The following PAK1 variants were observed in gnomAD, a reference collection of about 807,000 sequenced individuals.
PAK1 encodes p21 (RAC1) activated kinase 1, also known as serine/threonine-protein kinase PAK 1.
PAK1 carries 29 observed loss-of-function variants against 67.4 expected under a neutral mutation model. The observed-to-expected ratio is 0.43, with a 90% CI of 0.32 to 0.59. PAK1 has a LOEUF of 0.59. Ranked by LOEUF, PAK1 falls within the 20% of genes least tolerant of loss-of-function variation. The pLI is 0.07. For missense variants in PAK1, 337 were observed against 670.7 expected (o/e 0.50, Z 5.50); for synonymous variants, 223 against 237.4 (o/e 0.94, Z 0.56).
At chr11:77,420,641 AACC>A (rs1333417008) in intron 1 of PAK1, among the ~76,000 whole-genome samples, 1 of 152,248 alleles carries the variant, frequency 6.6e-6, no homozygotes, top group East Asian at 1.9e-4. Context: ...TCTACGGTCC[AACC>A]ACTTCTCATC....
At chr11:77,516,518 G>T in the PAK1 span, among the ~76,000 whole-genome samples, 4 of 152,188 alleles carry the variant, frequency 2.6e-5, no homozygotes, top group African/African-American at 9.7e-5. Context: ...GCAGTAATGT[G>T]TCAGGTATTA....
rs1406536118 is a variant in PAK1 at position 77,322,443 on chromosome 11, G to T, written c.*831C>A. The stretch of plus-strand genomic sequence containing the variant: ...GAGTTCCTGAAACATCACACAAGTA[G>T]AGCTGGACAGGTGCTGATGCCCAGC... On this transcript the variant is annotated 3_prime_UTR_variant, in exon 15 of 15. Coordinates refer to ENST00000356341, the MANE Select transcript of PAK1 (RefSeq NM_002576.5). 2.0e-5 allele frequency: 4 copies of T among 195,318 alleles called. No individual in the cohort carries two copies. The highest frequency in any genetic ancestry group is 9.3e-5 in the African/African-American group (4 of 43,174). 12.1% of individuals were successfully genotyped at this position (195,318 alleles called of 1,614,324 possible).
intron 9 of PAK1, 33 bp from the exon 10 acceptor site, chr11:77,343,964 T>C (rs769729225): frequency 2.5e-5 from 35 of 1,404,754 alleles, no homozygotes; most frequent in South Asian, 6.9e-5. Flanking sequence ...TGTGCAACCA[T>C]AGTCATTCCC....
chr11:77,400,256 A>T (rs1474256636), intron 1 of PAK1, among the ~76,000 whole-genome samples: 1 of 152,220 alleles, frequency 6.6e-6, no homozygotes, highest in Non-Finnish European at 1.5e-5. Flanking sequence ...GGCAGAATGC[A>T]ACATAAAGGA....
At chr11:77,379,610 A>G (rs1220204437) in intron 3 of PAK1, among the ~76,000 whole-genome samples, 1 of 152,210 alleles carries the variant, frequency 6.6e-6, no homozygotes. Flanking sequence ...CTATACCTCC[A>G]GGATGGTAGG....
chr11:77,392,333 T>C lies in PAK1; in HGVS notation c.188A>G (p.Lys63Arg), dbSNP rs1951247708. Residue 63 changes from lysine to arginine, a missense_variant and splice_region_variant, in exon 2 of 15, where the codon AAA becomes AGA. Coordinates refer to ENST00000356341, the MANE Select transcript of PAK1 (RefSeq NM_002576.5). ...GAGAAGAAAATCAAATACTATACTT[T>C]TATCTCCAGGTAAAATGGATCGGTA... Reference protein sequence around the residue: ...RFYRSILPGDKTNKKKEKERP... With the variant: ...RFYRSILPGDRTNKKKEKERP... The C allele has an allele frequency of 6.4e-7, 1 of 1,573,150 alleles. No homozygotes were observed.
chr11:77,404,784 T>A (rs7119661), intron 1 of PAK1, among the ~76,000 whole-genome samples: 18 of 152,316 alleles, frequency 1.2e-4, no homozygotes, highest in African/African-American at 3.9e-4. Context: ...CTTTCAGCTA[T>A]GTCAACCTTT....
chr11:77,379,220 C>T, intron 4 of PAK1, 21 bp downstream of exon 4: 1 of 1,589,464 alleles, frequency 6.3e-7, no homozygotes, highest in Non-Finnish European at 8.6e-7. Flanking sequence ...GCTGAGACTG[C>T]CCTGGACGCA....
the PAK1 span, among the ~76,000 whole-genome samples, chr11:77,504,827 T>C: frequency 6.6e-6 from 1 of 152,240 alleles, no homozygotes; most frequent in African/African-American, 2.4e-5. Flanking sequence ...CTGAAAACAC[T>C]TATGAGTGCT....
intron 2 of PAK1, among the ~76,000 whole-genome samples, chr11:77,389,377 G>C (rs1405994000): frequency 6.6e-6 from 1 of 152,138 alleles, no homozygotes; most frequent in Non-Finnish European, 1.5e-5. Context: ...TATTATGAAT[G>C]CTGCTATAAA....
At chr11:77,478,735 A>T (rs1174552302), upstream of PAK1, among the ~76,000 whole-genome samples, 1 of 149,410 alleles carries the variant, frequency 6.7e-6, no homozygotes, top group Non-Finnish European at 1.5e-5. Context: ...AGCTGAGATC[A>T]GGCCACTGCA....
intron 1 of PAK1, among the ~76,000 whole-genome samples, chr11:77,421,932 G>A (rs1196949224): frequency 1.3e-5 from 2 of 152,128 alleles, no homozygotes; most frequent in African/African-American, 4.8e-5. Flanking sequence ...ACAGCAACAA[G>A]TTACTGCATA....
chr11:77,514,783 C>T, the PAK1 span, among the ~76,000 whole-genome samples: 8 of 152,024 alleles, frequency 5.3e-5, no homozygotes, highest in Admixed American at 2.6e-4. Flanking sequence ...GGCCATTTAT[C>T]GAGTACCTGC....
At position 77,332,825 on chromosome 11, in the gene PAK1, T is replaced by G. The variant is rs779301516; in HGVS notation, c.1456A>C (p.Asn486His). 1.7e-5 allele frequency: 27 copies of G among 1,613,670 alleles called. No homozygotes were observed. Among genetic ancestry groups the G allele is most frequent in the South Asian group, 1.1e-5 (1 of 91,076 alleles). Reference protein sequence around the residue: ...IATNGTPELQNPEKLSAIFRD... With the variant: ...IATNGTPELQHPEKLSAIFRD... ...AAGATAGCTGACAGCTTCTCTGGGTTCTGAAGTTCTGGGGTCCCATTGGTG... is the reference window on the plus strand; with the variant it reads ...AAGATAGCTGACAGCTTCTCTGGGTGCTGAAGTTCTGGGGTCCCATTGGTG... The change falls in exon 14 of 15, where the codon AAC becomes CAC. Residue 486 changes from asparagine to histidine, a missense_variant. By Grantham distance (68) the Asn-to-His change is moderately conservative. Transcript: ENST00000356341.
intron 12 of PAK1, 52 bp downstream of exon 12, chr11:77,337,272 G>A (rs1565584706): frequency 2.2e-6 from 2 of 893,242 alleles, no homozygotes; most frequent in Non-Finnish European, 3.6e-6. Context: ...TCTCACAGGA[G>A]ACAGGGCCCC....
intron 8 of PAK1, among the ~76,000 whole-genome samples, chr11:77,351,894 G>A (rs1042944839): frequency 2.0e-5 from 3 of 146,870 alleles, no homozygotes; most frequent in African/African-American, 7.8e-5. Context: ...TTTTTTTATA[G>A]AGAGGTATAA....
At chr11:77,362,907 T>C (rs1446815333) in intron 5 of PAK1, among the ~76,000 whole-genome samples, 1 of 152,218 alleles carries the variant, frequency 6.6e-6, no homozygotes, top group Non-Finnish European at 1.5e-5. Context: ...TACTATTAAC[T>C]GACTTAAACC....
intron 2 of PAK1, among the ~76,000 whole-genome samples, chr11:77,390,862 T>TA (rs1424216931): frequency 6.6e-6 from 1 of 152,140 alleles, no homozygotes. Flanking sequence ...GAAGGACTCA[T>TA]ACACATAACG....
At chr11:77,394,566 G>A (rs1951588196) in intron 1 of PAK1, among the ~76,000 whole-genome samples, 1 of 151,948 alleles carries the variant, frequency 6.6e-6, no homozygotes, top group Non-Finnish European at 1.5e-5. Context: ...CCCTTCACTG[G>A]CTGGGAGCAG....
Sources: allele counts gnomAD v4.1 joint callset (sites outside exome capture counted in the v4.1 genomes callset), GRCh38; gene constraint gnomAD v4.1.1; transcripts MANE v1.5; gene names NCBI Gene and HGNC (gene_info 2026-07-23, HGNC 2026-07-21).